CDKL5: variants seen among roughly 807,000 people sequenced by gnomAD.
The protein encoded by CDKL5 is cyclin dependent kinase like 5, also known as cyclin-dependent kinase-like 5.
In CDKL5, 8 loss-of-function variants were observed where a neutral mutation model predicts 61.7. That is an observed-to-expected ratio of 0.13 (90% CI 0.08 to 0.23). The LOEUF is 0.23. CDKL5 is among the 10% of genes least tolerant of loss of function. CDKL5 has a pLI of 1.00. For synonymous variants in CDKL5, 275 were observed against 272.3 expected (o/e 1.01, Z -0.10); for missense variants, 440 against 734.5 (o/e 0.60, Z 4.63).
intron 3 of CDKL5, among the ~76,000 whole-genome samples, chrX:18,530,113 G>A (rs1410520668): frequency 9.2e-6 from 1 of 108,292 alleles, no homozygotes; most frequent in Non-Finnish European, 1.9e-5. Flanking sequence ...CGGATCACAA[G>A]GTCAAAAGAT....
At chrX:18,532,379 T>G (rs756458035) in intron 3 of CDKL5, among the ~76,000 whole-genome samples, 2 of 110,928 alleles carry the variant, frequency 1.8e-5, no homozygotes, top group South Asian at 7.5e-4. Context: ...CAGCATTGTT[T>G]TTTTTTTTTA....
intron 1 of CDKL5, among the ~76,000 whole-genome samples, chrX:18,431,028 A>G (rs1931472910): frequency 9.3e-6 from 1 of 107,571 alleles, no homozygotes; most frequent in Non-Finnish European, 1.9e-5. Context: ...CGCCTGGCTA[A>G]TTTTTTTGCA....
intron 16 of CDKL5, among the ~76,000 whole-genome samples, chrX:18,622,541 A>G (rs1210128693): frequency 8.9e-6 from 1 of 112,691 alleles, no homozygotes. Flanking sequence ...AAGAAACTAC[A>G]TAGAATAAGC....
chrX:18,620,440 A>G (rs1184371213), intron 16 of CDKL5, among the ~76,000 whole-genome samples: 1 of 111,949 alleles, frequency 8.9e-6, no homozygotes, highest in Admixed American at 9.5e-5. Flanking sequence ...AGTCACAAAG[A>G]TCGTATCTGG....
chrX:18,502,401 A>G (rs945512660), intron 1 of CDKL5, among the ~76,000 whole-genome samples: 1 of 111,969 alleles, frequency 8.9e-6, no homozygotes, highest in Non-Finnish European at 1.9e-5. Context: ...AAAATTTTTG[A>G]TTCCAGTGAA....
At chrX:18,646,215 A>G (rs1927768454) in intron 20 of CDKL5, 6 of 1,053,108 alleles carry the variant, frequency 5.7e-6, no homozygotes, top group Non-Finnish European at 7.7e-6. Flanking sequence ...GCAGTGGCAC[A>G]CAATCTCGGC....
chrX:18,573,686 G>C (rs1323694657), intron 4 of CDKL5, among the ~76,000 whole-genome samples: 1 of 112,232 alleles, frequency 8.9e-6, no homozygotes, highest in Non-Finnish European at 1.9e-5. Flanking sequence ...TCCTACTGCT[G>C]GTTCTTGTCT....
intron 1 of CDKL5, among the ~76,000 whole-genome samples, chrX:18,446,189 C>CA (rs529883672): frequency 0.043 from 2,088 of 48,152 alleles, 64 homozygotes; most frequent in East Asian, 0.26. Flanking sequence ...ACTAAAAATA[C>CA]AAAAAAAAAA....
At chrX:18,520,586 C>A in intron 3 of CDKL5, among the ~76,000 whole-genome samples, 1 of 112,072 alleles carries the variant, frequency 8.9e-6, no homozygotes, top group South Asian at 3.7e-4. Context: ...ATTTTCAATT[C>A]TCTGGGGTAT....
intron 1 of CDKL5, among the ~76,000 whole-genome samples, chrX:18,434,476 A>G (rs1029532105): frequency 2.7e-5 from 3 of 111,923 alleles, no homozygotes; most frequent in African/African-American, 9.7e-5. Flanking sequence ...TGAAATAGGC[A>G]TAGGTAACAT....
rs1569198495 is a variant in CDKL5, at chrX:18,509,232, CACACACACACACA to C, written c.65-1587_65-1575del. ...ACACACACACACACACACACACACA[CACACACACACACA>C]CCCCTGTCAAGCAAACTCTGCATTC... On this transcript the variant is annotated intron_variant, in intron 2 of 17. Transcript: ENST00000623535. Among the ~76,000 whole-genome samples, 9 of 107,340 alleles carry C rather than the reference CACACACACACACA, an allele frequency of 8.4e-5. No individual in the cohort carries two copies. In the East Asian group the frequency reaches 1.2e-3, roughly 14 times the overall value. The allele number at this position is 107,340 out of a possible 115,157, so 93.2% of individuals were successfully genotyped here.
At chrX:18,513,475 A>T (rs900466927) in intron 3 of CDKL5, among the ~76,000 whole-genome samples, 1 of 110,700 alleles carries the variant, frequency 9.0e-6, no homozygotes, top group South Asian at 3.8e-4. Flanking sequence ...GAAGAGATAG[A>T]AGAATAGATA....
rs564194912 is a variant in CDKL5, at chrX:18,625,866, T to C, written c.2496+619T>C. Among the ~76,000 whole-genome samples the C allele has an allele frequency of 3.5e-3, 388 of 111,892 alleles. 2 individuals are homozygous for C. The Middle Eastern group carries it at 0.042, about 12-fold the overall frequency. On this transcript the variant is annotated intron_variant, in intron 17 of 17. Transcript: ENST00000623535. ...GAGGTTTATCTCCTTTAAACAACTA[T>C]TTTGGTTGGAAATTTTGTAATGTAT...
chrX:18,509,197 G>GCACGCACGCACACA (rs1204561636), intron 2 of CDKL5, among the ~76,000 whole-genome samples: 1 of 64,314 alleles, frequency 1.6e-5, no homozygotes, highest in Non-Finnish European at 2.8e-5. Flanking sequence ...CTCAAAACAC[G>GCACGCACGCACACA]CACACACACA....
chrX:18,619,555 A>G (rs1050301738), intron 15 of CDKL5, among the ~76,000 whole-genome samples: 2 of 111,864 alleles, frequency 1.8e-5, no homozygotes, highest in Non-Finnish European at 3.8e-5. Flanking sequence ...GCCATCCTTT[A>G]AGCTGTGTAC....
At chrX:18,505,404 T>C (rs1439964823) in intron 1 of CDKL5, among the ~76,000 whole-genome samples, 2 of 112,523 alleles carry the variant, frequency 1.8e-5, no homozygotes, top group Non-Finnish European at 3.7e-5. Flanking sequence ...TTGTATCAAT[T>C]GTTCTTCATA....
chrX:18,588,812 G>A (rs1925726292), intron 9 of CDKL5: 1 of 109,314 alleles, frequency 9.1e-6, no homozygotes, highest in African/African-American at 3.3e-5. Context: ...TACTCGGGAG[G>A]CAGAGGCAGG....
At chrX:18,575,950 CCA>C (rs764566596) in intron 5 of CDKL5, among the ~76,000 whole-genome samples, 7 of 111,580 alleles carry the variant, frequency 6.3e-5, no homozygotes, top group Non-Finnish European at 1.1e-4. Context: ...AGGAGCTGTG[CCA>C]GGAGGCCTAA....
intron 6 of CDKL5, 130 bp downstream of exon 6, chrX:18,580,098 A>G: frequency 1.8e-6 from 1 of 566,381 alleles, no homozygotes. Flanking sequence ...TATATTTTGA[A>G]AGTGCAAGAC....
Sources: gnomAD v4.1 joint callset for allele counts (sites outside exome capture counted in the v4.1 genomes callset) on GRCh38, gnomAD v4.1.1 for gene constraint, MANE v1.5 for transcripts, NCBI Gene and HGNC (gene_info 2026-07-23, HGNC 2026-07-21) for gene names.